Variants in RAF1 observed in about 807,000 individuals in gnomAD.
The protein encoded by RAF1 is Raf-1 proto-oncogene, serine/threonine kinase.
Under a neutral mutation model 81.1 loss-of-function variants are expected in RAF1, and 27 were observed. The observed-to-expected ratio is 0.33, with a 90% CI of 0.25 to 0.46. The LOEUF (loss-of-function observed/expected upper bound fraction) is 0.46, where lower values mean the gene tolerates loss of function less well. Ranked by LOEUF, RAF1 falls within the 20% of genes least tolerant of loss-of-function variation. RAF1 has a pLI of 1.00. For missense variants in RAF1, 598 were observed against 826.0 expected, an observed-to-expected ratio of 0.72 and a Z score of 3.38; for synonymous variants, 298 against 294.0, an observed-to-expected ratio of 1.01 and a Z score of -0.14.
Position 12,584,029 on chromosome 3 carries a change from G to A in RAF1, c.*485C>T, listed in dbSNP as rs936819379. 7.3e-6 allele frequency: 2 copies of A among 273,846 alleles called. No homozygotes were observed. Among genetic ancestry groups the A allele is most frequent in the African/African-American group, 4.3e-5 (2 of 46,782 alleles). 17.0% of individuals were successfully genotyped at this position (273,846 alleles called of 1,614,324 possible). ...GGCGGCCAGAGTCTCGGCAGTCCTG[G>A]GCTGTTTGGTGCCTTATGTGCAAAA... On this transcript the variant is annotated 3_prime_UTR_variant, in exon 18 of 18. Coordinates refer to ENST00000442415, the MANE Select transcript of RAF1 (RefSeq NM_001354689.3).
At chr3:12,624,543 TACAC>T (rs1446065652) in intron 1 of RAF1, among the ~76,000 whole-genome samples, 1 of 152,060 alleles carries the variant, frequency 6.6e-6, no homozygotes, top group Non-Finnish European at 1.5e-5. Flanking sequence ...CAGACACACA[TACAC>T]ACACATCCTA....
intron 1 of RAF1, among the ~76,000 whole-genome samples, chr3:12,630,807 T>G (rs1392513468): frequency 6.6e-6 from 1 of 152,110 alleles, no homozygotes; most frequent in Non-Finnish European, 1.5e-5. Context: ...CAATCTACCT[T>G]AGATTTTTTC....
At position 12,585,564 on chromosome 3, in the gene RAF1, T is replaced by C; in HGVS notation, c.1596+117A>G. On this transcript the variant is annotated intron_variant, in intron 15 of 17. Coordinates refer to ENST00000442415, the MANE Select transcript of RAF1 (RefSeq NM_001354689.3). ...CAATTGCCCTGAGGCTGGCTGTCAC[T>C]AGGGGTCATGTGGATTTCGGGGAAA... is the stretch of plus-strand genomic sequence containing the variant. 2.2e-6 allele frequency: 3 copies of C among 1,341,242 alleles called. No homozygotes were observed. In the South Asian group the frequency reaches 3.6e-5, roughly 16 times the overall value. 83.1% of individuals were successfully genotyped at this position (1,341,242 alleles called of 1,614,324 possible).
At chr3:12,591,934 T>C in intron 11 of RAF1, 142 bp from the exon 11 acceptor site, 1 of 741,602 alleles carries the variant, frequency 1.3e-6, no homozygotes, top group Non-Finnish European at 2.4e-6. Context: ...AATTTTTTTT[T>C]TTTTTTTGAG....
At chr3:12,598,741 A>AAC (rs2058764329) in intron 11 of RAF1, among the ~76,000 whole-genome samples, 2 of 149,498 alleles carry the variant, frequency 1.3e-5, no homozygotes, top group African/African-American at 4.9e-5. Context: ...AAAAAAAAAA[A>AAC]AAAAAAAAAA....
At chr3:12,630,821 T>C (rs1410889303) in intron 1 of RAF1, among the ~76,000 whole-genome samples, 3 of 152,188 alleles carry the variant, frequency 2.0e-5, no homozygotes, top group Non-Finnish European at 4.4e-5. Flanking sequence ...TTTTTTCTTT[T>C]GGAGACAGGG....
At chr3:12,643,226 G>A (rs1255881159) in intron 1 of RAF1, among the ~76,000 whole-genome samples, 1 of 152,088 alleles carries the variant, frequency 6.6e-6, no homozygotes, top group Non-Finnish European at 1.5e-5. Context: ...CATTCTGCTG[G>A]CTAAGGCAAA....
At chr3:12,589,072 C>T in intron 13 of RAF1, 1 of 155,608 alleles carries the variant, frequency 6.4e-6, no homozygotes, top group Non-Finnish European at 1.4e-5. Context: ...CCTCACCAGA[C>T]ACAGATGCTG....
intron 1 of RAF1, among the ~76,000 whole-genome samples, chr3:12,625,079 A>T (rs1040621842): frequency 6.6e-6 from 1 of 151,884 alleles, no homozygotes; most frequent in Non-Finnish European, 1.5e-5. Context: ...TGTAAAATTT[A>T]TTTTATTTTT....
At chr3:12,659,300 C>T (rs1485205776) in intron 1 of RAF1, among the ~76,000 whole-genome samples, 2 of 151,150 alleles carry the variant, frequency 1.3e-5, no homozygotes, top group Non-Finnish European at 2.9e-5. Context: ...AGGTGGCCGG[C>T]GCCTGTAATC....
chr3:12,609,445 C>T (rs1255356096), intron 3 of RAF1, 110 bp from the exon 4 acceptor site: 1 of 728,380 alleles, frequency 1.4e-6, no homozygotes, highest in East Asian at 2.6e-5. Flanking sequence ...TTTATTTAAT[C>T]CATACAACAA....
chr3:12,659,419 T>C (rs1371765547), intron 1 of RAF1, among the ~76,000 whole-genome samples: 2 of 9,308 alleles, frequency 2.1e-4, no homozygotes, highest in Non-Finnish European at 4.5e-4. Flanking sequence ...CAGCACCAGA[T>C]TTCATCTCAA....
At chr3:12,647,501 G>A (rs1274108218) in intron 1 of RAF1, among the ~76,000 whole-genome samples, 4 of 151,932 alleles carry the variant, frequency 2.6e-5, no homozygotes, top group African/African-American at 7.3e-5. Context: ...GCTGAAGTGG[G>A]AGGATCACCT....
intron 11 of RAF1, 43 bp downstream of exon 10, chr3:12,599,648 C>T (rs2125376838): frequency 6.6e-7 from 1 of 1,522,734 alleles, no homozygotes; most frequent in Non-Finnish European, 9.1e-7. Flanking sequence ...CTTGACTTCA[C>T]ACCAAAGCCC....
In RAF1 at chr3:12,600,172, T is replaced by TC; in HGVS notation, c.1029dup (p.Thr344AspfsTer8). 1 of 1,614,184 alleles carries TC rather than the reference T, an allele frequency of 6.2e-7. No homozygotes were observed. The highest frequency in any genetic ancestry group is 1.7e-5 in the Admixed American group (1 of 60,022). On this transcript the variant is annotated frameshift_variant, in exon 10 of 18. Coordinates refer to ENST00000442415, the MANE Select transcript of RAF1 (RefSeq NM_001354689.3). LOFTEE classifies it high-confidence loss of function. ...CTCACAATTTTGTTTTTCTCCTGGG[T>TC]CCCAGATACTGGTGCCCGCTCTCTT...
intron 4 of RAF1, 69 bp downstream of exon 4, chr3:12,609,164 C>T (rs2125419115): frequency 8.2e-7 from 1 of 1,215,490 alleles, no homozygotes; most frequent in Non-Finnish European, 1.2e-6. Flanking sequence ...ACGCATATTA[C>T]CTGAGAAATC....
chr3:12,604,572 C>T (rs1342127095), intron 6 of RAF1, among the ~76,000 whole-genome samples: 2 of 152,114 alleles, frequency 1.3e-5, no homozygotes, highest in African/African-American at 2.4e-5. Flanking sequence ...CACCACTCTA[C>T]TCCAAATTTT....
chr3:12,591,854 A>G (rs1297062359), intron 11 of RAF1, 62 bp from the exon 11 acceptor site: 3 of 1,219,948 alleles, frequency 2.5e-6, no homozygotes, highest in Non-Finnish European at 3.7e-6. Flanking sequence ...CAAATAACCT[A>G]GTTTTGAGGA....
intron 1 of RAF1, among the ~76,000 whole-genome samples, chr3:12,638,834 G>A (rs144374605): frequency 1.6e-3 from 239 of 152,226 alleles, no homozygotes; most frequent in African/African-American, 5.4e-3. Context: ...TCAGGAGTTC[G>A]AGACCAACCT....
Sources: gnomAD v4.1 joint callset for allele counts (sites outside exome capture counted in the v4.1 genomes callset) on GRCh38, gnomAD v4.1.1 for gene constraint, MANE v1.5 for transcripts, NCBI Gene and HGNC (gene_info 2026-07-23, HGNC 2026-07-21) for gene names.